The following PDZD2 variants were observed in gnomAD, a reference collection of about 807,000 sequenced individuals.
PDZD2 encodes the protein PDZ domain-containing protein 2.
A neutral mutation model predicts 220.7 loss-of-function variants in PDZD2; 90 were observed. That is an observed-to-expected ratio of 0.41 (90% CI 0.34 to 0.49). The LOEUF is 0.49. Ranked by LOEUF, PDZD2 falls within the 20% of genes least tolerant of loss-of-function variation. The probability of loss-of-function intolerance (pLI) is 0.28; values close to 1 mark genes in which losing one functional copy is unlikely to be tolerated. For missense variants in PDZD2, 3,174 were observed against 3,608.5 expected (o/e 0.88, Z 3.08); for synonymous variants, 1,375 against 1,450.5 (o/e 0.95, Z 1.18).
At chr5:31,711,331 G>A (rs534175821) in intron 1 of PDZD2, among the ~76,000 whole-genome samples, 2 of 152,344 alleles carry the variant, frequency 1.3e-5, no homozygotes, top group African/African-American at 2.4e-5. Flanking sequence ...GCTACTGTGT[G>A]TATGTGTGAC....
chr5:31,776,223 C>G (rs986311135), intron 1 of PDZD2, among the ~76,000 whole-genome samples: 1 of 152,132 alleles, frequency 6.6e-6, no homozygotes, highest in Non-Finnish European at 1.5e-5. Flanking sequence ...TCCCCACTAA[C>G]CTCATTCCAA....
rs1749250094 is a variant in PDZD2, at chr5:31,727,729, CG to C, written c.-360-71159del. ...AAAAAAAAAAAAAAGAAAGGCCGGG[CG>C]CGGTGGCTTCACCTGTAAACCCAAC... On this transcript the variant is annotated intron_variant, in intron 1 of 24. Coordinates refer to ENST00000438447, the MANE Select transcript of PDZD2 (RefSeq NM_178140.4). 4.9e-5 allele frequency among the ~76,000 whole-genome samples: 3 copies of C among 60,920 alleles called. 1 individual carries two copies. The South Asian group carries it at 1.5e-3, about 30-fold the overall frequency. The allele number at this position is 60,920 out of a possible 152,430, so 40.0% of individuals were successfully genotyped here. A position where few individuals can be genotyped will look rare whatever the true frequency, so the allele number is the denominator to read the frequency against.
chr5:32,024,772 TGAG>T (rs1006477026), intron 6 of PDZD2, among the ~76,000 whole-genome samples: 7 of 151,824 alleles, frequency 4.6e-5, no homozygotes, highest in African/African-American at 1.7e-4. Flanking sequence ...CCGTTGTAGA[TGAG>T]GAGTTACAAC....
intron 7 of PDZD2, among the ~76,000 whole-genome samples, chr5:32,045,580 G>A (rs1014584303): frequency 7.4e-5 from 11 of 149,344 alleles, no homozygotes; most frequent in African/African-American, 2.2e-4. Flanking sequence ...ATACCACCAC[G>A]CCCAGCTGTT....
chr5:31,687,720 G>T (rs140107105), intron 1 of PDZD2, among the ~76,000 whole-genome samples: 2 of 152,110 alleles, frequency 1.3e-5, no homozygotes, highest in Non-Finnish European at 2.9e-5. Context: ...GTGCCAACAC[G>T]GCCGGGTTCT....
intron 1 of PDZD2, among the ~76,000 whole-genome samples, chr5:31,660,790 A>C (rs1025548314): frequency 6.6e-6 from 1 of 152,196 alleles, no homozygotes; most frequent in African/African-American, 2.4e-5. Context: ...TGGTGTGATT[A>C]TAGCTCACTA....
intron 6 of PDZD2, among the ~76,000 whole-genome samples, chr5:32,015,231 C>T (rs1753698946): frequency 6.6e-6 from 1 of 151,932 alleles, no homozygotes; most frequent in African/African-American, 2.4e-5. Flanking sequence ...CGGTAGCCAC[C>T]GCACCTAGCC....
intron 3 of PDZD2, among the ~76,000 whole-genome samples, chr5:31,985,830 G>A (rs1375633119): frequency 1.3e-5 from 2 of 151,948 alleles, no homozygotes; most frequent in African/African-American, 4.8e-5. Context: ...TGTAATCCCA[G>A]CACTTTGGGA....
chr5:31,861,266 G>A (rs1435518219), intron 2 of PDZD2, among the ~76,000 whole-genome samples: 1 of 152,134 alleles, frequency 6.6e-6, no homozygotes, highest in Admixed American at 6.5e-5. Flanking sequence ...TGGCATGTGA[G>A]ATGATTAATT....
chr5:31,711,760 T>C (rs1748119344), intron 1 of PDZD2, among the ~76,000 whole-genome samples: 1 of 152,118 alleles, frequency 6.6e-6, no homozygotes, highest in African/African-American at 2.4e-5. Flanking sequence ...CGATCCACGA[T>C]TGCCCGTGGC....
At chr5:31,789,800 C>A (rs1435243503) in intron 1 of PDZD2, among the ~76,000 whole-genome samples, 1 of 152,062 alleles carries the variant, frequency 6.6e-6, no homozygotes, top group African/African-American at 2.4e-5. Flanking sequence ...CGCCTGTAAT[C>A]CCAGCTGCTT....
At chr5:31,858,911 G>C (rs1758692107) in intron 2 of PDZD2, among the ~76,000 whole-genome samples, 1 of 152,084 alleles carries the variant, frequency 6.6e-6, no homozygotes, top group Non-Finnish European at 1.5e-5. Context: ...TAGAGTCGGG[G>C]TTTCACCATG....
chr5:32,071,387 C>A lies in PDZD2; in HGVS notation c.2537C>A (p.Thr846Asn). ...TGGTGAATTTTCCCTCCAACAGGTA[C>A]CCCCTTGAAGAGTCCCTCTCTTGCA... ...KEANSSPGLG[T>N]PLKSPSLAKK... is the part of the protein sequence containing the mutation. Residue 846 changes from threonine (T) to asparagine (N), a missense_variant, in exon 16 of 25, where the codon ACC (threonine) becomes AAC (asparagine). By Grantham distance (65) the Thr-to-Asn change is moderately conservative. This residue lies in a region of PDZD2 where 1,861 missense variants were observed against 2,001.0 expected (regional missense o/e 0.93). Coordinates refer to ENST00000438447, the MANE Select transcript of PDZD2 (RefSeq NM_178140.4). 1 of 1,606,948 alleles carries A rather than the reference C, an allele frequency of 6.2e-7. No homozygotes were observed. Among genetic ancestry groups the A allele is most frequent in the Non-Finnish European group, 8.5e-7 (1 of 1,173,462 alleles).
intron 2 of PDZD2, among the ~76,000 whole-genome samples, chr5:31,859,583 TA>T (rs143447041): frequency 0.042 from 6,447 of 152,124 alleles, 161 homozygotes; most frequent in Non-Finnish European, 0.054. Context: ...CAATTACAGC[TA>T]TCTTTGAAGC....
chr5:31,794,173 G>A (rs1406418082), intron 1 of PDZD2, among the ~76,000 whole-genome samples: 2 of 151,958 alleles, frequency 1.3e-5, no homozygotes, highest in South Asian at 2.1e-4. Context: ...TCACCTTCTC[G>A]CTATCCTCTG....
chr5:31,854,892 C>G (rs1372483949), intron 2 of PDZD2: 2 of 808,230 alleles, frequency 2.5e-6, no homozygotes, highest in South Asian at 1.1e-4. Context: ...TCCTAACCTC[C>G]TCCACCGCGG....
At position 32,063,971 on chromosome 5, in the gene PDZD2, G is replaced by A. The variant is rs138791202; in HGVS notation, c.2451+2837G>A. Among the ~76,000 whole-genome samples the A allele has an allele frequency of 1.3e-4, 20 of 152,278 alleles. No homozygotes were observed. The East Asian group carries it at 3.9e-3, about 29-fold the overall frequency. On this transcript the variant is annotated intron_variant, in intron 14 of 24. Coordinates refer to ENST00000438447, the MANE Select transcript of PDZD2 (RefSeq NM_178140.4). The stretch of plus-strand genomic sequence containing the variant: ...CTAAGCCAACCTTGACCTGAGCAGA[G>A]TACTTCTGTAATTAAGGCCTAAGAG...
At chr5:31,658,838 C>T (rs1159630344) in intron 1 of PDZD2, among the ~76,000 whole-genome samples, 1 of 152,100 alleles carries the variant, frequency 6.6e-6, no homozygotes, top group East Asian at 1.9e-4. Flanking sequence ...CCAGGCTGGT[C>T]TTGAATTCCT....
In PDZD2 at chr5:31,732,693, T is replaced by C. The variant is rs573591292; in HGVS notation, c.-360-66196T>C. Reference sequence around the variant, plus strand: ...CTTGAAAGTTCCATAATTTATGATGTTCATAGAGTAGGGAAAATATCAGGA... The same window carrying C: ...CTTGAAAGTTCCATAATTTATGATGCTCATAGAGTAGGGAAAATATCAGGA... On this transcript the variant is annotated intron_variant, in intron 1 of 24. Coordinates refer to ENST00000438447, the MANE Select transcript of PDZD2 (RefSeq NM_178140.4). Among the ~76,000 whole-genome samples the C allele has an allele frequency of 3.9e-5, 6 of 152,348 alleles. No homozygotes were observed. In the East Asian group the frequency reaches 1.2e-3, roughly 29 times the overall value.
Sources: gnomAD v4.1 joint callset for allele counts (sites outside exome capture counted in the v4.1 genomes callset) on GRCh38, gnomAD v4.1.1 for gene constraint, gnomAD v4.1.1 regional missense constraint, MANE v1.5 for transcripts, NCBI Gene and HGNC (gene_info 2026-07-23, HGNC 2026-07-21) for gene names.